Variants in TAFA1 observed in about 807,000 individuals in gnomAD.
TAFA1 encodes TAFA chemokine like family member 1.
TAFA1 carries 4 observed loss-of-function variants against 18.5 expected under a neutral mutation model. That is an observed-to-expected ratio of 0.22 (90% CI 0.11 to 0.49). The LOEUF (loss-of-function observed/expected upper bound fraction) is 0.49. Among genes scored for constraint, TAFA1 ranks in the 20% least tolerant of loss-of-function variants. The pLI, the probability that TAFA1 is intolerant of heterozygous loss-of-function variation, is 0.98. For missense variants in TAFA1, 147 were observed against 169.0 expected, an observed-to-expected ratio of 0.87 and a Z score of 0.72; for synonymous variants, 56 against 55.2, an observed-to-expected ratio of 1.01 and a Z score of -0.06.
rs548307976 is a variant in TAFA1 at position 68,035,480 on chromosome 3, C to T, written c.118+28736C>T. ...TGATTATTATCTGTTTAAGATCTCA[C>T]CTTCTATTTCCAAGTATCTCATCTA... On this transcript the variant is annotated intron_variant, in intron 2 of 4. Transcript: ENST00000478136. Among the ~76,000 whole-genome samples, 7 of 152,220 alleles carry T rather than the reference C, an allele frequency of 4.6e-5. 1 individual carries two copies. The highest frequency in any genetic ancestry group is 7.2e-5 in the African/African-American group (3 of 41,530).
chr3:68,219,975 T>C (rs1189774873), intron 2 of TAFA1, among the ~76,000 whole-genome samples: 2 of 152,150 alleles, frequency 1.3e-5, no homozygotes, highest in African/African-American at 4.8e-5. Flanking sequence ...TGCTAGACAA[T>C]AATCAGTAAT....
chr3:68,093,285 C>T (rs1055817794), intron 2 of TAFA1, among the ~76,000 whole-genome samples: 3 of 152,002 alleles, frequency 2.0e-5, no homozygotes, highest in African/African-American at 7.2e-5. Flanking sequence ...TGTGTTCTTC[C>T]CACCTAGGCT....
At chr3:68,094,061 G>T (rs2106802670) in intron 2 of TAFA1, among the ~76,000 whole-genome samples, 1 of 152,202 alleles carries the variant, frequency 6.6e-6, no homozygotes, top group South Asian at 2.1e-4. Context: ...TAAGGATTTT[G>T]TTATTGTAGA....
chr3:68,094,125 G>T (rs1334137580), intron 2 of TAFA1, among the ~76,000 whole-genome samples: 1 of 152,042 alleles, frequency 6.6e-6, no homozygotes, highest in Non-Finnish European at 1.5e-5. Flanking sequence ...GGGGGTGGAT[G>T]CCTAGGATAC....
intron 3 of TAFA1, among the ~76,000 whole-genome samples, chr3:68,433,933 C>A (rs1363225008): frequency 1.3e-5 from 2 of 152,086 alleles, no homozygotes; most frequent in Non-Finnish European, 2.9e-5. Flanking sequence ...GAACAATTCC[C>A]AGACTTACAC....
At chr3:68,337,155 A>G (rs559893490) in intron 2 of TAFA1, among the ~76,000 whole-genome samples, 23 of 152,294 alleles carry the variant, frequency 1.5e-4, no homozygotes, top group African/African-American at 4.8e-4. Flanking sequence ...TGTATTTTTA[A>G]AAAGTGGTTT....
At chr3:68,333,526 T>G (rs1189752631) in intron 2 of TAFA1, among the ~76,000 whole-genome samples, 2 of 152,122 alleles carry the variant, frequency 1.3e-5, no homozygotes, top group African/African-American at 2.4e-5. Flanking sequence ...GTACTATGCT[T>G]ACTACCTGGG....
At chr3:68,314,874 T>A (rs1223920719) in intron 2 of TAFA1, among the ~76,000 whole-genome samples, 1 of 150,760 alleles carries the variant, frequency 6.6e-6, no homozygotes. Flanking sequence ...CCATAGTTAT[T>A]CTTCGGTCAT....
intron 2 of TAFA1, among the ~76,000 whole-genome samples, chr3:68,208,248 G>A (rs1327883738): frequency 6.6e-6 from 1 of 151,906 alleles, no homozygotes; most frequent in Non-Finnish European, 1.5e-5. Flanking sequence ...TGCAGCATCA[G>A]CAGAGTCCAT....
chr3:68,177,727 C>T (rs1157905666), intron 2 of TAFA1, among the ~76,000 whole-genome samples: 2 of 152,180 alleles, frequency 1.3e-5, no homozygotes, highest in Non-Finnish European at 2.9e-5. Flanking sequence ...AATGCTCTTC[C>T]TACTCCTTTT....
At chr3:68,376,986 G>C (rs1321123387) in intron 2 of TAFA1, among the ~76,000 whole-genome samples, 2 of 152,112 alleles carry the variant, frequency 1.3e-5, no homozygotes, top group South Asian at 2.1e-4. Context: ...TGTGAAAAAG[G>C]TCCTTGGTTC....
At chr3:68,008,299 CACTT>C (rs1313949582) in intron 2 of TAFA1, among the ~76,000 whole-genome samples, 1 of 152,252 alleles carries the variant, frequency 6.6e-6, no homozygotes, top group East Asian at 1.9e-4. Flanking sequence ...TACCTCCAAT[CACTT>C]AATCACAATT....
intron 2 of TAFA1, among the ~76,000 whole-genome samples, chr3:68,225,754 TTCTTTG>T (rs1378033672): frequency 6.6e-6 from 1 of 152,176 alleles, no homozygotes; most frequent in Non-Finnish European, 1.5e-5. Context: ...TCTTAAATTC[TTCTTTG>T]TCTTTATTCT....
At chr3:68,146,782 CAG>C (rs2065746288) in intron 2 of TAFA1, among the ~76,000 whole-genome samples, 1 of 152,154 alleles carries the variant, frequency 6.6e-6, no homozygotes, top group African/African-American at 2.4e-5. Flanking sequence ...GAAATTCTAA[CAG>C]AATACACTTG....
intron 2 of TAFA1, among the ~76,000 whole-genome samples, chr3:68,016,723 C>T (rs1442326008): frequency 6.6e-6 from 1 of 152,236 alleles, no homozygotes; most frequent in African/African-American, 2.4e-5. Flanking sequence ...TTGTAATTAT[C>T]TTAAAATTTG....
rs34030223 is a variant in TAFA1, at chr3:68,498,722, C to CTTTTTT, written c.260-40004_260-39999dup. On this transcript the variant is annotated intron_variant, in intron 3 of 4. Coordinates refer to ENST00000478136, the MANE Select transcript of TAFA1 (RefSeq NM_213609.4). Reference sequence around the variant, plus strand: ...AATTCCTCCCAAAGCCGTTTGGTGGCTTTTTTTTTTTTTTTTTTTTTTTTT... The same window carrying CTTTTTT: ...AATTCCTCCCAAAGCCGTTTGGTGGCTTTTTTTTTTTTTTTTTTTTTTTTTTTTTTT... Among the ~76,000 whole-genome samples the CTTTTTT allele has an allele frequency of 1.2e-3, 121 of 97,000 alleles. 15 individuals carry two copies. Among genetic ancestry groups the CTTTTTT allele is most frequent in the East Asian group, 6.8e-3 (23 of 3,360 alleles). The allele number at this position is 97,000 out of a possible 152,430, so 63.6% of individuals were successfully genotyped here.
intron 2 of TAFA1, among the ~76,000 whole-genome samples, chr3:68,282,370 G>T (rs1469641704): frequency 6.6e-6 from 1 of 152,066 alleles, no homozygotes; most frequent in Non-Finnish European, 1.5e-5. Flanking sequence ...GTGCATCCTT[G>T]TGCATAATCC....
chr3:68,127,749 A>G (rs1481556681), intron 2 of TAFA1, among the ~76,000 whole-genome samples: 31 of 77,610 alleles, frequency 4.0e-4, no homozygotes, highest in African/African-American at 1.2e-3. Flanking sequence ...TGATGATGGT[A>G]GCGGTGGTGA....
chr3:68,366,889 T>C (rs1453792032), intron 2 of TAFA1, among the ~76,000 whole-genome samples: 1 of 152,208 alleles, frequency 6.6e-6, no homozygotes, highest in Non-Finnish European at 1.5e-5. Flanking sequence ...TATCTGTCTA[T>C]CTAGAGCCTG....
Sources: gnomAD v4.1 joint callset for allele counts (sites outside exome capture counted in the v4.1 genomes callset) on GRCh38, gnomAD v4.1.1 for gene constraint, MANE v1.5 for transcripts, NCBI Gene and HGNC (gene_info 2026-07-23, HGNC 2026-07-21) for gene names.